The following ZNF827 variants were observed in gnomAD, a reference collection of about 807,000 sequenced individuals.
ZNF827 encodes the protein zinc finger protein 827.
In ZNF827, 13 loss-of-function variants were observed where a neutral mutation model predicts 102.4. That is an observed-to-expected ratio of 0.13 (90% confidence interval 0.08 to 0.20). ZNF827 has a LOEUF of 0.20. Ranked by LOEUF, ZNF827 falls within the 10% of genes least tolerant of loss-of-function variation. The probability of loss-of-function intolerance (pLI) is 1.00; values close to 1 mark genes in which losing one functional copy is unlikely to be tolerated. For synonymous variants in ZNF827, 523 were observed against 536.2 expected (o/e 0.98, Z 0.34); for missense variants, 1,103 against 1,344.4 (o/e 0.82, Z 2.81).
At chr4:145,858,222 T>A (rs1045485233) in intron 5 of ZNF827, among the ~76,000 whole-genome samples, 1 of 151,884 alleles carries the variant, frequency 6.6e-6, no homozygotes, top group African/African-American at 2.4e-5. Flanking sequence ...ATGCCTATAA[T>A]CCCAGCCCTT....
chr4:145,921,490 AAAAG>A (rs1753066093), intron 1 of ZNF827, among the ~76,000 whole-genome samples: 1 of 151,530 alleles, frequency 6.6e-6, no homozygotes, highest in African/African-American at 2.4e-5. Context: ...AAAAAAAAAA[AAAAG>A]AGGTCAGCTG....
At chr4:145,910,787 A>T (rs1372396981) in intron 1 of ZNF827, among the ~76,000 whole-genome samples, 2 of 152,098 alleles carry the variant, frequency 1.3e-5, no homozygotes, top group Non-Finnish European at 2.9e-5. Context: ...ACTCTCCCTT[A>T]CTAGGAAAAT....
chr4:145,913,343 T>A (rs1256777539), intron 1 of ZNF827, among the ~76,000 whole-genome samples: 1 of 148,512 alleles, frequency 6.7e-6, no homozygotes, highest in Non-Finnish European at 1.5e-5. Flanking sequence ...GAAGGATAAC[T>A]TGAGTCCAGG....
intron 5 of ZNF827, among the ~76,000 whole-genome samples, chr4:145,855,051 G>A (rs1746928449): frequency 6.6e-6 from 1 of 152,214 alleles, no homozygotes; most frequent in African/African-American, 2.4e-5. Context: ...GCACACGGTG[G>A]TGTGTAATGT....
intron 3 of ZNF827, among the ~76,000 whole-genome samples, chr4:145,886,956 C>T (rs998018077): frequency 6.6e-6 from 1 of 152,228 alleles, no homozygotes; most frequent in African/African-American, 2.4e-5. Context: ...AAATTTAGTG[C>T]TTAAAAAAGT....
rs1560894587 is a variant in ZNF827, at chr4:145,768,901, AT to A, written c.2861-3164del. 1.1e-3 allele frequency among the ~76,000 whole-genome samples: 29 copies of A among 26,452 alleles called. 2 individuals carry two copies. Among genetic ancestry groups the A allele is most frequent in the African/African-American group, 3.0e-3 (28 of 9,294 alleles). 17.4% of individuals were successfully genotyped at this position (26,452 alleles called of 152,430 possible). A position where few individuals can be genotyped will look rare whatever the true frequency, so the allele number is the denominator to read the frequency against. On this transcript the variant is annotated intron_variant, in intron 11 of 14. Transcript: ENST00000508784. ...AAAAAAAAAAAAAAAATATATATAT[AT>A]ATATATATATATATTAGGTATACAA... is the stretch of plus-strand genomic sequence containing the variant.
chr4:145,788,531 C>T (rs1269580912), intron 8 of ZNF827, among the ~76,000 whole-genome samples: 3 of 152,142 alleles, frequency 2.0e-5, no homozygotes, highest in Non-Finnish European at 4.4e-5. Context: ...CTATGTTTTC[C>T]CTGTACTTGT....
chr4:145,761,617 C>A lies in ZNF827; in HGVS notation c.*18-19G>T. On this transcript the variant is annotated intron_variant, in intron 14 of 14. Transcript: ENST00000508784. This position sits in a 1 kb window ranked among gnomAD's most constrained non-coding sequence, Gnocchi z 6.8. ...TGGGCACCTGCCGGGGAAAGCAACG[C>A]AAGGGAGGTTCAGCCGGGAAGGTTC... The A allele has an allele frequency of 8.1e-7, 1 of 1,231,466 alleles. No individual in the cohort carries two copies. The highest frequency in any genetic ancestry group is 2.5e-5 in the Admixed American group (1 of 40,484). The allele number at this position is 1,231,466 out of a possible 1,614,324, so 76.3% of individuals were successfully genotyped here.
At chr4:145,807,787 CA>C (rs1190242973) in intron 8 of ZNF827, among the ~76,000 whole-genome samples, 13 of 135,274 alleles carry the variant, frequency 9.6e-5, no homozygotes, top group African/African-American at 3.1e-4. Flanking sequence ...AAAAAAAAAA[CA>C]AAAAACAAAA....
chr4:145,825,614 A>G (rs1281030119), intron 7 of ZNF827, among the ~76,000 whole-genome samples: 1 of 152,184 alleles, frequency 6.6e-6, no homozygotes, highest in Non-Finnish European at 1.5e-5. Flanking sequence ...ACCTTCACCT[A>G]GCTTTCTAGG....
Position 145,913,035 on chromosome 4 carries a change from A to G in ZNF827, c.44-9820T>C, listed in dbSNP as rs186075800. Among the ~76,000 whole-genome samples, 9 of 152,278 alleles carry G rather than the reference A, an allele frequency of 5.9e-5. No homozygotes were observed. The East Asian group carries it at 1.2e-3, about 20-fold the overall frequency. ...TTACATAAAACCGACCACATTGCTG[A>G]TCAGTGTTAAGTCCTGTGAGGCTGG... On this transcript the variant is annotated intron_variant, in intron 1 of 14. Transcript: ENST00000508784.
intron 8 of ZNF827, among the ~76,000 whole-genome samples, chr4:145,789,909 C>T (rs1205923331): frequency 6.6e-6 from 1 of 152,256 alleles, no homozygotes; most frequent in African/African-American, 2.4e-5. Flanking sequence ...TTTGGAGGCT[C>T]TGCCTCTTTT....
At chr4:145,806,259 C>T (rs1024449135) in intron 8 of ZNF827, among the ~76,000 whole-genome samples, 2 of 150,554 alleles carry the variant, frequency 1.3e-5, no homozygotes, top group African/African-American at 2.4e-5. Flanking sequence ...TCAAACCATC[C>T]TCCCATCTCA....
At chr4:145,822,692 G>A (rs998976116) in intron 8 of ZNF827, among the ~76,000 whole-genome samples, 1 of 149,314 alleles carries the variant, frequency 6.7e-6, no homozygotes, top group African/African-American at 2.4e-5. Context: ...GGCGGGGTGG[G>A]TATGGGTAGG....
chr4:145,892,860 A>C (rs1318796405), intron 2 of ZNF827, among the ~76,000 whole-genome samples: 1 of 152,270 alleles, frequency 6.6e-6, no homozygotes, highest in East Asian at 1.9e-4. Context: ...AAATAAAAAC[A>C]AATCACATGG....
intron 5 of ZNF827, among the ~76,000 whole-genome samples, chr4:145,856,281 C>T (rs1451944430): frequency 1.3e-5 from 2 of 152,194 alleles, no homozygotes; most frequent in African/African-American, 2.4e-5. Flanking sequence ...AGGCATGAGC[C>T]ACCGTGTCTC....
At chr4:145,927,320 C>G (rs1753497088) in intron 1 of ZNF827, among the ~76,000 whole-genome samples, 2 of 152,188 alleles carry the variant, frequency 1.3e-5, no homozygotes, top group Non-Finnish European at 2.9e-5. Flanking sequence ...TCCCTGCTCT[C>G]AAGGAGCTCA....
chr4:145,856,989 A>G (rs200408969), intron 5 of ZNF827, among the ~76,000 whole-genome samples: 2,179 of 86,258 alleles, frequency 0.025, 43 homozygotes, highest in African/African-American at 0.064. Context: ...GCGCACGCAC[A>G]CACACACACA....
chr4:145,914,060 T>TGGACAC (rs1214158550), intron 1 of ZNF827, among the ~76,000 whole-genome samples: 4 of 99,094 alleles, frequency 4.0e-5, no homozygotes, highest in Non-Finnish European at 7.2e-5. Context: ...CATTTCTTTG[T>TGGACAC]AGACACACAC....
Sources: allele counts gnomAD v4.1 joint callset (sites outside exome capture counted in the v4.1 genomes callset), GRCh38; gene constraint gnomAD v4.1.1; non-coding constraint Gnocchi (gnomAD v3.1); transcripts MANE v1.5; gene names NCBI Gene and HGNC (gene_info 2026-07-23, HGNC 2026-07-21).